Variants in MAP3K13 observed in about 807,000 individuals in gnomAD.
The protein encoded by MAP3K13 is mitogen-activated protein kinase kinase kinase 13.
A neutral mutation model predicts 104.0 loss-of-function variants in MAP3K13; 52 were observed. The ratio of observed to expected loss-of-function variants is 0.50; its 90% CI spans 0.40 to 0.63. MAP3K13 has a LOEUF of 0.63. Among genes scored for constraint, MAP3K13 ranks in the 20% least tolerant of loss-of-function variants. MAP3K13 has a pLI of 0.00. For synonymous variants in MAP3K13, 394 were observed against 442.2 expected, an observed-to-expected ratio of 0.89 and a Z score of 1.37; for missense variants, 914 against 1,218.5, an observed-to-expected ratio of 0.75 and a Z score of 3.72.
At chr3:185,434,037 A>T (rs7621732) in intron 2 of MAP3K13, among the ~76,000 whole-genome samples, 115,522 of 151,946 alleles carry the variant, frequency 0.76, 45,387 homozygotes, top group Non-Finnish European at 0.87. Flanking sequence ...TTCAGATGAA[A>T]GTAAAGATTA....
At chr3:185,374,804 G>A (rs973146123) in intron 1 of MAP3K13, among the ~76,000 whole-genome samples, 1 of 151,996 alleles carries the variant, frequency 6.6e-6, no homozygotes, top group Non-Finnish European at 1.5e-5. Flanking sequence ...TGATTTTGGA[G>A]GAAAGAGAAA....
In MAP3K13 at chr3:185,450,359, T is replaced by G. The variant is rs1452909471; in HGVS notation, c.1169+301T>G. Among the ~76,000 whole-genome samples the G allele has an allele frequency of 6.6e-6, 1 of 152,204 alleles. No homozygotes were observed. The highest frequency in any genetic ancestry group is 1.5e-5 in the Non-Finnish European group (1 of 68,028). On this transcript the variant is annotated intron_variant, in intron 6 of 13. Coordinates refer to ENST00000265026, the MANE Select transcript of MAP3K13 (RefSeq NM_004721.5). The surrounding 1 kb of genome is among the most constrained non-coding windows in gnomAD (Gnocchi z 4.2). ...CTTGGTCAATGATAGCTACTATTTCTTTGCTAGTCCTAATGGACTATTATT... is the reference window on the plus strand; with the variant it reads ...CTTGGTCAATGATAGCTACTATTTCGTTGCTAGTCCTAATGGACTATTATT...
intron 7 of MAP3K13, among the ~76,000 whole-genome samples, chr3:185,456,198 T>C (rs1716734326): frequency 1.3e-5 from 2 of 152,022 alleles, no homozygotes; most frequent in African/African-American, 2.4e-5. Flanking sequence ...ACTCCTGTCC[T>C]GTTACCAAAG....
intron 2 of MAP3K13, among the ~76,000 whole-genome samples, chr3:185,353,325 A>G (rs1309192398): frequency 2.6e-5 from 4 of 152,218 alleles, no homozygotes; most frequent in African/African-American, 9.7e-5. Context: ...ATGGAAGAGG[A>G]TTTATGGACA....
intron 2 of MAP3K13, among the ~76,000 whole-genome samples, chr3:185,303,553 T>C (rs9810004): frequency 6.6e-6 from 1 of 151,310 alleles, no homozygotes; most frequent in Admixed American, 6.6e-5. Flanking sequence ...TCTTGGTAGG[T>C]TGTATGTTTC....
chr3:185,331,903 A>G (rs1308010521), intron 2 of MAP3K13, among the ~76,000 whole-genome samples: 2 of 152,162 alleles, frequency 1.3e-5, no homozygotes, highest in African/African-American at 2.4e-5. Context: ...TAATGTTCTA[A>G]ATGTTTTCAG....
rs1192355669 is a variant in MAP3K13 at position 185,454,284 on chromosome 3, T to TAC, written c.1278+2890_1278+2891insCA. 6.5e-4 allele frequency among the ~76,000 whole-genome samples: 70 copies of TAC among 107,944 alleles called. 13 individuals carry two copies. Among genetic ancestry groups the TAC allele is most frequent in the African/African-American group, 2.4e-3 (62 of 25,876 alleles). 70.8% of individuals were successfully genotyped at this position (107,944 alleles called of 152,430 possible). On this transcript the variant is annotated intron_variant, in intron 7 of 13. Transcript: ENST00000265026. ...TATGAGATATATATCATATATATGA[T>TAC]ATATATGAGATATATATCATATATA...
At chr3:185,424,986 G>A (rs922901104) in intron 1 of MAP3K13, among the ~76,000 whole-genome samples, 1 of 152,074 alleles carries the variant, frequency 6.6e-6, no homozygotes, top group Non-Finnish European at 1.5e-5. Flanking sequence ...ATGCCACCAT[G>A]CTTAGCTAAT....
intron 7 of MAP3K13, among the ~76,000 whole-genome samples, chr3:185,460,371 A>T (rs536248901): frequency 5.9e-5 from 9 of 152,276 alleles, no homozygotes; most frequent in Non-Finnish European, 8.8e-5. Flanking sequence ...AATACTGTGG[A>T]CAGCAGGAGA....
In MAP3K13 at chr3:185,482,639, A is replaced by C. The variant is rs1481679001; in HGVS notation, c.*183A>C. 1 of 539,868 alleles carries C rather than the reference A, an allele frequency of 1.9e-6. No individual in the cohort carries two copies. Among genetic ancestry groups the C allele is most frequent in the East Asian group, 3.0e-5 (1 of 33,852 alleles). The allele number at this position is 539,868 out of a possible 1,614,324, so 33.4% of individuals were successfully genotyped here. A position where few individuals can be genotyped will look rare whatever the true frequency, so the allele number is the denominator to read the frequency against. On this transcript the variant is annotated 3_prime_UTR_variant, in exon 14 of 14. Coordinates refer to ENST00000265026, the MANE Select transcript of MAP3K13 (RefSeq NM_004721.5). The surrounding 1 kb of genome is among the most constrained non-coding windows in gnomAD (Gnocchi z 4.5). The stretch of plus-strand genomic sequence containing the variant: ...GAGACTTCGCAAATCTCTGGAAAAT[A>C]ATATCCAAATGAAATTAAGTCTCAC...
intron 1 of MAP3K13, among the ~76,000 whole-genome samples, chr3:185,384,808 G>A (rs1711587312): frequency 6.6e-6 from 1 of 152,232 alleles, no homozygotes; most frequent in Non-Finnish European, 1.5e-5. Flanking sequence ...ATTATTATTA[G>A]TTTTTGTTGT....
In MAP3K13 at chr3:185,455,670, T is replaced by C. The variant is rs913890649; in HGVS notation, c.1278+4275T>C. 3.9e-4 allele frequency among the ~76,000 whole-genome samples: 9 copies of C among 23,258 alleles called. 1 individual carries two copies. Among genetic ancestry groups the C allele is most frequent in the African/African-American group, 7.7e-4 (8 of 10,418 alleles). The allele number at this position is 23,258 out of a possible 152,430, so 15.3% of individuals were successfully genotyped here. A position where few individuals can be genotyped will look rare whatever the true frequency, so the allele number is the denominator to read the frequency against. On this transcript the variant is annotated intron_variant, in intron 7 of 13. Transcript: ENST00000265026. ...AGATATATATATGATATATATATGA[T>C]ATATATATGAGATATATATATGATA...
rs147751596 is a variant in MAP3K13, at chr3:185,457,006, C to A, written c.1278+5611C>A. Among the ~76,000 whole-genome samples, 228 of 152,270 alleles carry A rather than the reference C, an allele frequency of 1.5e-3. 1 individual carries two copies. The highest frequency in any genetic ancestry group is 4.1e-3 in the African/African-American group (171 of 41,558). On this transcript the variant is annotated intron_variant, in intron 7 of 13. Coordinates refer to ENST00000265026, the MANE Select transcript of MAP3K13 (RefSeq NM_004721.5). ...CATTAAGACGGTCAATATAAGTTTA[C>A]ATATTTGGAAAAACTTCCAGTTCTG...
At chr3:185,472,488 G>T (rs1717862728) in intron 10 of MAP3K13, among the ~76,000 whole-genome samples, 1 of 152,100 alleles carries the variant, frequency 6.6e-6, no homozygotes, top group Admixed American at 6.5e-5. Context: ...TGGGATTACA[G>T]GCATTAGCCA....
At chr3:185,414,909 T>C (rs1713659586) in intron 1 of MAP3K13, among the ~76,000 whole-genome samples, 1 of 152,118 alleles carries the variant, frequency 6.6e-6, no homozygotes. Context: ...TGGTGGCTCA[T>C]GCCTGTAATC....
chr3:185,455,037 G>T (rs1268584007), intron 7 of MAP3K13, among the ~76,000 whole-genome samples: 1 of 86,718 alleles, frequency 1.2e-5, no homozygotes, highest in African/African-American at 4.5e-5. Flanking sequence ...AGATATATAT[G>T]ATATATATAT....
At chr3:185,470,467 T>A (rs145319252) in intron 10 of MAP3K13, among the ~76,000 whole-genome samples, 39 of 152,312 alleles carry the variant, frequency 2.6e-4, no homozygotes, top group African/African-American at 9.4e-4. Context: ...TCCCTCCCTT[T>A]AGGATCAAAG....
chr3:185,442,028 G>A (rs575515217), intron 3 of MAP3K13, among the ~76,000 whole-genome samples: 4 of 142,370 alleles, frequency 2.8e-5, no homozygotes, highest in African/African-American at 5.2e-5. Context: ...GTGACAGAGC[G>A]ACTCTGTCTC....
chr3:185,456,117 G>A (rs1022605909), intron 7 of MAP3K13, among the ~76,000 whole-genome samples: 1 of 151,290 alleles, frequency 6.6e-6, no homozygotes, highest in African/African-American at 2.4e-5. Context: ...CACAGATATT[G>A]AGGAATATCT....
Sources: allele counts gnomAD v4.1 joint callset (sites outside exome capture counted in the v4.1 genomes callset), GRCh38; gene constraint gnomAD v4.1.1; non-coding constraint Gnocchi (gnomAD v3.1); transcripts MANE v1.5; gene names NCBI Gene and HGNC (gene_info 2026-07-23, HGNC 2026-07-21).